SLC24A2: variants seen among roughly 807,000 people sequenced by gnomAD.
The protein encoded by SLC24A2 is solute carrier family 24 member 2.
A neutral mutation model predicts 62.0 loss-of-function variants in SLC24A2; 36 were observed. That is an observed-to-expected ratio of 0.58 (90% CI 0.44 to 0.77). The LOEUF is 0.77. Ranked by LOEUF, SLC24A2 falls within the 30% of genes least tolerant of loss-of-function variation. The probability of loss-of-function intolerance (pLI) is 0.00; values close to 1 mark genes in which losing one functional copy is unlikely to be tolerated. For synonymous variants in SLC24A2, 358 were observed against 294.0 expected (o/e 1.22, Z -2.23); for missense variants, 846 against 817.9 (o/e 1.03, Z -0.42).
intron 8 of SLC24A2, among the ~76,000 whole-genome samples, chr9:19,541,713 T>G (rs1586921789): frequency 2.0e-5 from 3 of 149,044 alleles, no homozygotes; most frequent in African/African-American, 7.4e-5. Flanking sequence ...GCAGGCCTCC[T>G]TGAGCTGTGG....
At chr9:19,687,319 G>A (rs898254522) in intron 2 of SLC24A2, among the ~76,000 whole-genome samples, 1 of 152,064 alleles carries the variant, frequency 6.6e-6, no homozygotes, top group East Asian at 1.9e-4. Context: ...ACTGTGTTTG[G>A]GGTATGTAAT....
the SLC24A2 span, among the ~76,000 whole-genome samples, chr9:20,135,386 T>TTTTAATTTTTAATTACAATTTAAAAA: frequency 8.7e-6 from 1 of 115,032 alleles, no homozygotes; most frequent in Non-Finnish European, 1.7e-5. Context: ...CAATTTAAAA[T>TTTTAATTTTTAATTACAATTTAAAAA]TTTCATTTTT....
intron 2 of SLC24A2, among the ~76,000 whole-genome samples, chr9:19,755,360 C>T (rs991392775): frequency 6.6e-6 from 1 of 152,114 alleles, no homozygotes; most frequent in Non-Finnish European, 1.5e-5. Context: ...GAGCACAAAC[C>T]CAGAGGACTG....
chr9:20,017,770 G>A, the SLC24A2 span, among the ~76,000 whole-genome samples: 1 of 152,178 alleles, frequency 6.6e-6, no homozygotes, highest in Non-Finnish European at 1.5e-5. Context: ...GAGAAAGATG[G>A]AGGCCAGAAG....
chr9:19,979,850 C>T, the SLC24A2 span, among the ~76,000 whole-genome samples: 2 of 152,212 alleles, frequency 1.3e-5, no homozygotes, highest in African/African-American at 2.4e-5. Context: ...GCAACTTTAA[C>T]CTCCATGAGC....
At chr9:19,732,082 A>C (rs1025464708) in intron 2 of SLC24A2, among the ~76,000 whole-genome samples, 5 of 148,238 alleles carry the variant, frequency 3.4e-5, no homozygotes, top group African/African-American at 1.3e-4. Flanking sequence ...TGGATGTCCA[A>C]TATAAGACCT....
At chr9:19,579,361 C>G (rs980307130) in intron 5 of SLC24A2, among the ~76,000 whole-genome samples, 9 of 152,152 alleles carry the variant, frequency 5.9e-5, no homozygotes, top group Admixed American at 4.6e-4. Context: ...ACTAGATAAA[C>G]AGATAATAAG....
At chr9:20,304,575 A>T in the SLC24A2 span, among the ~76,000 whole-genome samples, 2 of 152,260 alleles carry the variant, frequency 1.3e-5, no homozygotes, top group South Asian at 4.1e-4. Context: ...AGTTAAAGGT[A>T]TAAAAATAAT....
At chr9:19,534,397 G>A (rs1325588637) in intron 8 of SLC24A2, among the ~76,000 whole-genome samples, 1 of 152,068 alleles carries the variant, frequency 6.6e-6, no homozygotes, top group African/African-American at 2.4e-5. Context: ...TTGGGTACAT[G>A]CGCAGAATGT....
chr9:19,839,400 A>C, the SLC24A2 span, among the ~76,000 whole-genome samples: 2 of 152,208 alleles, frequency 1.3e-5, no homozygotes, highest in African/African-American at 2.4e-5. Context: ...TATTAGGTGT[A>C]ATGGCAAAGT....
the SLC24A2 span, among the ~76,000 whole-genome samples, chr9:20,229,786 GGTTT>G: frequency 2.6e-5 from 4 of 151,632 alleles, no homozygotes; most frequent in Admixed American, 6.6e-5. Flanking sequence ...ACAACGTGCA[GGTTT>G]GTTACATACG....
intron 2 of SLC24A2, among the ~76,000 whole-genome samples, chr9:19,733,440 G>A (rs1200591676): frequency 6.6e-6 from 1 of 152,122 alleles, no homozygotes; most frequent in Non-Finnish European, 1.5e-5. Context: ...ACACCTTTAA[G>A]TGAAAACAGG....
At chr9:20,014,987 A>G in the SLC24A2 span, among the ~76,000 whole-genome samples, 1 of 152,252 alleles carries the variant, frequency 6.6e-6, no homozygotes, top group Non-Finnish European at 1.5e-5. Flanking sequence ...ATCACACTGT[A>G]TCATATAAAT....
At chr9:20,229,981 G>C in the SLC24A2 span, among the ~76,000 whole-genome samples, 8 of 151,332 alleles carry the variant, frequency 5.3e-5, no homozygotes, top group African/African-American at 1.7e-4. Context: ...AGAACATGTG[G>C]TGTTTGGTTT....
chr9:19,718,811 C>A (rs1820941789), intron 2 of SLC24A2, among the ~76,000 whole-genome samples: 1 of 152,140 alleles, frequency 6.6e-6, no homozygotes. Flanking sequence ...ATTTTCAGTC[C>A]TCTTCAACTT....
At chr9:20,066,386 A>G in the SLC24A2 span, among the ~76,000 whole-genome samples, 17 of 152,180 alleles carry the variant, frequency 1.1e-4, no homozygotes, top group Non-Finnish European at 2.1e-4. Flanking sequence ...AGAGAGAAGA[A>G]AGATCACAGG....
the SLC24A2 span, among the ~76,000 whole-genome samples, chr9:19,875,563 G>C: frequency 6.6e-6 from 1 of 152,192 alleles, no homozygotes; most frequent in South Asian, 2.1e-4. Flanking sequence ...TATCCTTATG[G>C]GGAGGTTTTC....
rs551505421 is a variant in SLC24A2, at chr9:19,510,979, G to T, written c.*5174C>A. On this transcript the variant is annotated 3_prime_UTR_variant, in exon 11 of 11. Coordinates refer to ENST00000341998, the MANE Select transcript of SLC24A2 (RefSeq NM_020344.4). Reference sequence around the variant, plus strand: ...AGTTTGGGTGGTTCTGAGCAAGGCTGGTGCCCCATGTGTGAGGAAGGCATG... The same window carrying T: ...AGTTTGGGTGGTTCTGAGCAAGGCTTGTGCCCCATGTGTGAGGAAGGCATG... 2.6e-5 allele frequency: 4 copies of T among 152,354 alleles called. No individual in the cohort carries two copies. The highest frequency in any genetic ancestry group is 9.6e-5 in the African/African-American group (4 of 41,558). The allele number at this position is 152,354 out of a possible 1,614,324, so 9.4% of individuals were successfully genotyped here.
chr9:19,725,026 C>T (rs1036749534), intron 2 of SLC24A2, among the ~76,000 whole-genome samples: 9 of 152,162 alleles, frequency 5.9e-5, no homozygotes, highest in African/African-American at 9.6e-5. Context: ...CTGCACCATC[C>T]AAAACCTCTG....
Sources: gnomAD v4.1 joint callset for allele counts (sites outside exome capture counted in the v4.1 genomes callset) on GRCh38, gnomAD v4.1.1 for gene constraint, MANE v1.5 for transcripts, NCBI Gene and HGNC (gene_info 2026-07-23, HGNC 2026-07-21) for gene names.